TFDP1: variants seen among roughly 807,000 people sequenced by gnomAD.
TFDP1 encodes the protein DRTF1-polypeptide 1.
TFDP1 carries 6 observed loss-of-function variants against 48.0 expected under a neutral mutation model. The observed-to-expected ratio is 0.13, with a 90% CI of 0.07 to 0.25. The LOEUF is 0.25. TFDP1 is among the 10% of genes least tolerant of loss of function. The pLI is 1.00. For missense variants in TFDP1, 335 were observed against 543.0 expected (o/e 0.62, Z 3.81); for synonymous variants, 201 against 211.6 (o/e 0.95, Z 0.44).
rs983637855 is a variant in TFDP1 at position 113,623,718 on chromosome 13, C to T, written c.186+432C>T. Among the ~76,000 whole-genome samples, 5 of 152,210 alleles carry T rather than the reference C, an allele frequency of 3.3e-5. No individual in the cohort carries two copies. Among genetic ancestry groups the T allele is most frequent in the African/African-American group, 1.2e-4 (5 of 41,450 alleles). On this transcript the variant is annotated intron_variant, in intron 4 of 11. Coordinates refer to ENST00000375370, the MANE Select transcript of TFDP1 (RefSeq NM_007111.5). This position sits in a 1 kb window ranked among gnomAD's most constrained non-coding sequence, Gnocchi z 5.2. ...GAGAGGGATAGGGCCCTGGCCGTGG[C>T]TGTGCGTTTGCCCCGGGGCAGTGAC...
At chr13:113,618,180 T>C (rs1164635964) in intron 3 of TFDP1, among the ~76,000 whole-genome samples, 1 of 152,248 alleles carries the variant, frequency 6.6e-6, no homozygotes, top group Non-Finnish European at 1.5e-5. Context: ...GGCAGTCTTA[T>C]CAAGAAAATG....
intron 3 of TFDP1, among the ~76,000 whole-genome samples, chr13:113,617,456 C>T (rs1255925283): frequency 6.6e-6 from 1 of 152,058 alleles, no homozygotes; most frequent in African/African-American, 2.4e-5. Context: ...AGCCGCTCAC[C>T]TGCAGAACCG....
At chr13:113,626,205 C>T (rs2049175294) in intron 4 of TFDP1, among the ~76,000 whole-genome samples, 1 of 152,174 alleles carries the variant, frequency 6.6e-6, no homozygotes. Flanking sequence ...GTGTCCCTGG[C>T]CCTGTGGAGA....
rs1043731907 is a variant in TFDP1 at position 113,632,997 on chromosome 13, C to T, written c.309-123C>T. ...GCCTGCTCACGTGTTGGATCTGCTG[C>T]GCCCGTGGGACGTGGCCCCTTTTTG... On this transcript the variant is annotated intron_variant, in intron 5 of 11. Coordinates refer to ENST00000375370, the MANE Select transcript of TFDP1 (RefSeq NM_007111.5). 13 of 1,208,440 alleles carry T rather than the reference C, an allele frequency of 1.1e-5. No homozygotes were observed. The East Asian group carries it at 1.5e-4, about 14-fold the overall frequency. The allele number at this position is 1,208,440 out of a possible 1,614,324, so 74.9% of individuals were successfully genotyped here. A position where few individuals can be genotyped will look rare whatever the true frequency, so the allele number is the denominator to read the frequency against.
chr13:113,631,652 G>A lies in TFDP1; in HGVS notation c.216G>A (p.Ala72=), dbSNP rs149994612. 491 of 1,614,072 alleles carry A rather than the reference G, an allele frequency of 3.0e-4. 2 individuals carry two copies. The highest frequency in any genetic ancestry group is 3.0e-3 in the Admixed American group (181 of 60,006). ...VVIGTPQRPA[A]SNTLVVGSPH... ...TTGGTACGCCTCAGAGACCGGCAGC[G>A]TCAAACACCCTGGTGGTAGGAAGCC... The change falls in exon 5 of 12, where the codon GCG becomes GCA. Residue 72 remains alanine (A), a synonymous_variant. Coordinates refer to ENST00000375370, the MANE Select transcript of TFDP1 (RefSeq NM_007111.5).
At chr13:113,630,844 C>T (rs551725866) in intron 4 of TFDP1, among the ~76,000 whole-genome samples, 1 of 147,476 alleles carries the variant, frequency 6.8e-6, no homozygotes, top group Admixed American at 6.6e-5. Context: ...GTTGTTGACA[C>T]CCTCAGGTGT....
At chr13:113,616,339 G>T (rs1032622875) in intron 3 of TFDP1, among the ~76,000 whole-genome samples, 1 of 152,104 alleles carries the variant, frequency 6.6e-6, no homozygotes, top group African/African-American at 2.4e-5. Flanking sequence ...TTCCAGTCAC[G>T]GTTTCGGTGG....
At position 113,607,631 on chromosome 13, in the gene TFDP1, G is replaced by A. The variant is rs1355283823; in HGVS notation, c.13-3365G>A. On this transcript the variant is annotated intron_variant, in intron 2 of 11. Transcript: ENST00000375370. The surrounding 1 kb of genome is among the most constrained non-coding windows in gnomAD (Gnocchi z 5.2). ...ACATTGAGGCTGGCGGAGAAAGACC[G>A]GCCCCTTCACCCCACCTTAGACTTC... 6.6e-6 allele frequency among the ~76,000 whole-genome samples: 1 copy of A among 152,144 alleles called. No individual in the cohort carries two copies. The highest frequency in any genetic ancestry group is 2.4e-5 in the African/African-American group (1 of 41,418).
chr13:113,634,710 G>A (rs1307717717), intron 8 of TFDP1, 108 bp downstream of exon 8: 2 of 790,466 alleles, frequency 2.5e-6, no homozygotes, highest in Non-Finnish European at 4.1e-6. Context: ...CAAATCAAAT[G>A]ACTGCTCTAA....
At position 113,590,723 on chromosome 13, in the gene TFDP1, A is replaced by C. The variant is rs539566131; in HGVS notation, c.12+4874A>C. Among the ~76,000 whole-genome samples the C allele has an allele frequency of 1.6e-3, 251 of 152,202 alleles. 2 individuals are homozygous for C. Among genetic ancestry groups the C allele is most frequent in the African/African-American group, 5.9e-3 (243 of 41,536 alleles). ...GGGATATTAAAAATTAGAAAATTAT[A>C]GGTTGGGCCGGGCGCAGTGGCTCAC... On this transcript the variant is annotated intron_variant, in intron 2 of 11. Coordinates refer to ENST00000375370, the MANE Select transcript of TFDP1 (RefSeq NM_007111.5).
At chr13:113,590,876 G>A (rs1395463530) in intron 2 of TFDP1, among the ~76,000 whole-genome samples, 1 of 151,974 alleles carries the variant, frequency 6.6e-6, no homozygotes, top group African/African-American at 2.4e-5. Flanking sequence ...CAGGCATGGT[G>A]GTGGGCGCCT....
intron 2 of TFDP1, among the ~76,000 whole-genome samples, chr13:113,606,091 G>A (rs2048562629): frequency 6.9e-6 from 1 of 144,314 alleles, no homozygotes; most frequent in African/African-American, 2.6e-5. Context: ...GTCCATAGGG[G>A]ATCCTGTGGG....
chr13:113,638,035 G>A, intron 11 of TFDP1, 139 bp downstream of exon 11: 2 of 1,066,580 alleles, frequency 1.9e-6, no homozygotes, highest in South Asian at 1.6e-5. Context: ...AGGCAGTGGG[G>A]CCCCGCTGGC....
At chr13:113,618,553 A>G (rs943674067) in intron 3 of TFDP1, among the ~76,000 whole-genome samples, 3 of 152,134 alleles carry the variant, frequency 2.0e-5, no homozygotes. Context: ...AATTGAAATA[A>G]CATTCTATCC....
chr13:113,596,119 T>A (rs1324660120), intron 2 of TFDP1, among the ~76,000 whole-genome samples: 1 of 152,232 alleles, frequency 6.6e-6, no homozygotes, highest in African/African-American at 2.4e-5. Flanking sequence ...GTAACTTGTA[T>A]GGGACTTATT....
intron 2 of TFDP1, among the ~76,000 whole-genome samples, chr13:113,591,912 C>T (rs2048156389): frequency 6.6e-6 from 1 of 152,226 alleles, no homozygotes; most frequent in African/African-American, 2.4e-5. Context: ...CCATGCACTG[C>T]TCTCTGTATC....
chr13:113,635,296 C>T (rs563218189), intron 8 of TFDP1, among the ~76,000 whole-genome samples: 13 of 152,282 alleles, frequency 8.5e-5, no homozygotes, highest in Admixed American at 2.6e-4. Flanking sequence ...GTGTGGCAGC[C>T]GTGGTGATGG....
Position 113,640,583 on chromosome 13 carries a change from G to T in TFDP1, c.*316G>T. 6.7e-6 allele frequency: 2 copies of T among 297,662 alleles called. No individual in the cohort carries two copies. Among genetic ancestry groups the T allele is most frequent in the South Asian group, 5.9e-5 (2 of 33,650 alleles). 18.4% of individuals were successfully genotyped at this position (297,662 alleles called of 1,614,324 possible). On this transcript the variant is annotated 3_prime_UTR_variant, in exon 12 of 12. Transcript: ENST00000375370. ...AAAAGTTTTTGCTGAGTTTGCTGAAGAAATTGTATTTCAACCACATCCATG... is the reference window on the plus strand; with the variant it reads ...AAAAGTTTTTGCTGAGTTTGCTGAATAAATTGTATTTCAACCACATCCATG...
At chr13:113,634,320 A>C in intron 7 of TFDP1, 1 of 633,572 alleles carries the variant, frequency 1.6e-6, no homozygotes, top group Non-Finnish European at 2.8e-6. Flanking sequence ...TAAATCCAAG[A>C]AATGAGAGGA....
Sources: gnomAD v4.1 joint callset for allele counts (sites outside exome capture counted in the v4.1 genomes callset) on GRCh38, gnomAD v4.1.1 for gene constraint, Gnocchi (gnomAD v3.1) non-coding constraint, MANE v1.5 for transcripts, NCBI Gene and HGNC (gene_info 2026-07-23, HGNC 2026-07-21) for gene names.